Variants in GASK1B observed in about 807,000 individuals in gnomAD.
The protein encoded by GASK1B is Golgi-associated kinase 1B.
In GASK1B, 34 loss-of-function variants were observed where a neutral mutation model predicts 42.8. The observed-to-expected ratio is 0.79, with a 90% CI of 0.60 to 1.06. The LOEUF (loss-of-function observed/expected upper bound fraction) is 1.06. Ranked by LOEUF, GASK1B falls within the 50% of genes least tolerant of loss-of-function variation. The pLI, the probability that GASK1B is intolerant of heterozygous loss-of-function variation, is 0.00. For missense variants in GASK1B, 686 were observed against 661.0 expected, an observed-to-expected ratio of 1.04 and a Z score of -0.42; for synonymous variants, 262 against 259.1, an observed-to-expected ratio of 1.01 and a Z score of -0.11.
intron 3 of GASK1B, among the ~76,000 whole-genome samples, chr4:158,135,320 C>CA (rs1219141206): frequency 0.033 from 1,792 of 55,096 alleles, 75 homozygotes; most frequent in African/African-American, 0.068. Context: ...GACTCCGTCT[C>CA]AAAAAAAAAA....
At chr4:158,163,837 A>T (rs963865027) in intron 2 of GASK1B, among the ~76,000 whole-genome samples, 1 of 152,238 alleles carries the variant, frequency 6.6e-6, no homozygotes, top group Admixed American at 6.5e-5. Context: ...AAAGCTATTT[A>T]AATTACAAAC....
chr4:158,164,271 T>C (rs574224038), intron 2 of GASK1B, among the ~76,000 whole-genome samples: 148 of 152,286 alleles, frequency 9.7e-4, no homozygotes, highest in African/African-American at 3.4e-3. Context: ...TGTGATCCTA[T>C]AGAAGACGAT....
At chr4:158,140,658 G>A (rs1455657494) in intron 3 of GASK1B, among the ~76,000 whole-genome samples, 1 of 152,130 alleles carries the variant, frequency 6.6e-6, no homozygotes, top group Non-Finnish European at 1.5e-5. Context: ...GTTTCAGACT[G>A]TCTATGGTTC....
intron 2 of GASK1B, among the ~76,000 whole-genome samples, chr4:158,161,565 C>G (rs1365543876): frequency 6.6e-6 from 1 of 152,170 alleles, no homozygotes; most frequent in African/African-American, 2.4e-5. Context: ...CTTCTTTGTT[C>G]TGACAAATGG....
intron 2 of GASK1B, among the ~76,000 whole-genome samples, chr4:158,166,220 A>G (rs1732224618): frequency 6.6e-6 from 1 of 152,176 alleles, no homozygotes; most frequent in Non-Finnish European, 1.5e-5. Context: ...TATAAAGTAC[A>G]ATACCAGTAA....
chr4:158,137,743 T>A (rs897515076), intron 3 of GASK1B, among the ~76,000 whole-genome samples: 2 of 151,840 alleles, frequency 1.3e-5, no homozygotes, highest in South Asian at 2.1e-4. Flanking sequence ...CCCGCCAGCA[T>A]CTGTATCACC....
At position 158,126,319 on chromosome 4, in the gene GASK1B, G is replaced by A. The variant is rs1730452331; in HGVS notation, c.*1088C>T. 1 of 152,046 alleles carries A rather than the reference G, an allele frequency of 6.6e-6. No homozygotes were observed. The highest frequency in any genetic ancestry group is 1.5e-5 in the Non-Finnish European group (1 of 67,980). 9.4% of individuals were successfully genotyped at this position (152,046 alleles called of 1,614,324 possible). A position where few individuals can be genotyped will look rare whatever the true frequency, so the allele number is the denominator to read the frequency against. ...AGATGATTATTTGAGGCTTAATATT[G>A]TCCAAATTTACTGTTTTAGTTCTAG... On this transcript the variant is annotated 3_prime_UTR_variant, in exon 5 of 5. Coordinates refer to ENST00000585682, the MANE Select transcript of GASK1B (RefSeq NM_001128424.2).
chr4:158,131,656 C>T (rs1352018430), intron 3 of GASK1B, among the ~76,000 whole-genome samples: 1 of 152,076 alleles, frequency 6.6e-6, no homozygotes, highest in African/African-American at 2.4e-5. Flanking sequence ...AAGAGGGTAA[C>T]CAGATTAATT....
rs1410720390 is a variant in GASK1B, at chr4:158,156,503, A to G, written c.911-678T>C. On this transcript the variant is annotated intron_variant, in intron 2 of 4. Transcript: ENST00000585682. ...TTTTTCAACTGCATGTTCATAGATGATCTTTTTTAACCTGTCACTCAATTT... is the reference window on the plus strand; with the variant it reads ...TTTTTCAACTGCATGTTCATAGATGGTCTTTTTTAACCTGTCACTCAATTT... Among the ~76,000 whole-genome samples, 3 of 152,178 alleles carry G rather than the reference A, an allele frequency of 2.0e-5. No individual in the cohort carries two copies. The East Asian group carries it at 5.8e-4, about 29-fold the overall frequency.
intron 3 of GASK1B, among the ~76,000 whole-genome samples, chr4:158,139,705 T>A (rs955194412): frequency 1.3e-5 from 2 of 152,140 alleles, no homozygotes; most frequent in Non-Finnish European, 2.9e-5. Context: ...AAATAATCTA[T>A]CATATGTTAA....
intron 3 of GASK1B, among the ~76,000 whole-genome samples, chr4:158,146,083 A>G (rs1445275036): frequency 1.3e-5 from 2 of 152,070 alleles, no homozygotes; most frequent in African/African-American, 4.8e-5. Context: ...AGCACTTTAT[A>G]TATTTTACTT....
chr4:158,170,393 G>A, intron 2 of GASK1B, 73 bp downstream of exon 2: 1 of 1,614,132 alleles, frequency 6.2e-7, no homozygotes, highest in African/African-American at 1.3e-5. Flanking sequence ...TTTAGAAAAA[G>A]AGAGTGAGGG....
Position 158,126,119 on chromosome 4 carries a change from T to G in GASK1B, c.*1288A>C, listed in dbSNP as rs1041154702. 6.6e-6 allele frequency: 1 copy of G among 152,160 alleles called. No homozygotes were observed. Among genetic ancestry groups the G allele is most frequent in the Non-Finnish European group, 1.5e-5 (1 of 67,976 alleles). The allele number at this position is 152,160 out of a possible 1,614,324, so 9.4% of individuals were successfully genotyped here. On this transcript the variant is annotated 3_prime_UTR_variant, in exon 5 of 5. Transcript: ENST00000585682. Reference sequence around the variant, plus strand: ...ACAAATAGAACTTTTAAATAAGGAGTAGGATGTGTAAGGGCAGGAAGGTAA... The same window carrying G: ...ACAAATAGAACTTTTAAATAAGGAGGAGGATGTGTAAGGGCAGGAAGGTAA...
intron 3 of GASK1B, among the ~76,000 whole-genome samples, chr4:158,143,430 A>C (rs1444302192): frequency 6.6e-6 from 1 of 152,220 alleles, no homozygotes; most frequent in Non-Finnish European, 1.5e-5. Flanking sequence ...GGAAATAGGA[A>C]AGATAAATTA....
At chr4:158,139,850 G>A (rs1731046474) in intron 3 of GASK1B, among the ~76,000 whole-genome samples, 1 of 152,188 alleles carries the variant, frequency 6.6e-6, no homozygotes, top group Admixed American at 6.5e-5. Flanking sequence ...AATTACATAA[G>A]TGGTTTCCTC....
At chr4:158,170,151 T>A in intron 2 of GASK1B, 2 of 1,366,968 alleles carry the variant, frequency 1.5e-6, no homozygotes, top group Non-Finnish European at 2.0e-6. Context: ...CCTCTCCTCA[T>A]CATGCAAATT....
intron 2 of GASK1B, among the ~76,000 whole-genome samples, chr4:158,160,741 T>C (rs891293386): frequency 6.6e-6 from 1 of 152,106 alleles, no homozygotes; most frequent in African/African-American, 2.4e-5. Flanking sequence ...AAATGTGTTT[T>C]GTTACGTAAA....
chr4:158,170,165 G>T, intron 2 of GASK1B: 1 of 1,487,670 alleles, frequency 6.7e-7, no homozygotes, highest in Non-Finnish European at 9.2e-7. Context: ...GCAAATTGCC[G>T]TTGGCTTTAA....
Position 158,171,157 on chromosome 4 carries a change from G to A in GASK1B, c.219C>T (p.Ser73=), listed in dbSNP as rs779266855. 16 of 1,608,596 alleles carry A rather than the reference G, an allele frequency of 9.9e-6. No homozygotes were observed. The East Asian group carries it at 3.4e-4, about 34-fold the overall frequency. Residue 73 remains serine, a synonymous_variant, in exon 2 of 5, where the codon AGC becomes AGT. Transcript: ENST00000585682. ...GGAAGGATGGCTCGGCGGTGTCGCG[G>A]CTGCGATGTGGCCCCTTCTCAGCCG... ...GQAAEKGPHR[S]RDTAEPSFPE...
Sources: allele counts gnomAD v4.1 joint callset (sites outside exome capture counted in the v4.1 genomes callset), GRCh38; gene constraint gnomAD v4.1.1; transcripts MANE v1.5; gene names NCBI Gene and HGNC (gene_info 2026-07-23, HGNC 2026-07-21).